SLC41A3: variants seen among roughly 807,000 people sequenced by gnomAD.
SLC41A3 encodes the protein SLC41A1-like 2.
Under a neutral mutation model 45.4 loss-of-function variants are expected in SLC41A3, and 44 were observed. The observed-to-expected ratio is 0.97, with a 90% CI of 0.76 to 1.25. The LOEUF (loss-of-function observed/expected upper bound fraction) is 1.25, where lower values mean the gene tolerates loss of function less well. Ranked by LOEUF, SLC41A3 falls within the 50% of genes most tolerant of loss-of-function variation. The pLI, the probability that SLC41A3 is intolerant of heterozygous loss-of-function variation, is 0.00. For missense variants in SLC41A3, 550 were observed against 600.6 expected (o/e 0.92, Z 0.88); for synonymous variants, 256 against 252.4 (o/e 1.01, Z -0.13).
chr3:126,088,906 G>A (rs1945440904), upstream of SLC41A3, among the ~76,000 whole-genome samples: 1 of 152,176 alleles, frequency 6.6e-6, no homozygotes. Flanking sequence ...TCACTAATGA[G>A]TATATATGAT....
chr3:126,034,776 C>T (rs1490500374), intron 3 of SLC41A3, among the ~76,000 whole-genome samples: 1 of 152,264 alleles, frequency 6.6e-6, no homozygotes, highest in East Asian at 1.9e-4. Flanking sequence ...AATCAACCAG[C>T]TCCAACCTGG....
At chr3:126,039,156 T>C (rs933038257) in intron 3 of SLC41A3, among the ~76,000 whole-genome samples, 2 of 152,222 alleles carry the variant, frequency 1.3e-5, no homozygotes, top group Admixed American at 1.3e-4. Flanking sequence ...CTCTTTTCTT[T>C]ATAAATTACC....
At chr3:126,094,139 C>A (rs1023152962) in intron 1 of SLC41A3, among the ~76,000 whole-genome samples, 12 of 152,106 alleles carry the variant, frequency 7.9e-5, no homozygotes, top group Non-Finnish European at 1.8e-4. Flanking sequence ...AATTCCAGAA[C>A]AATTATATAG....
At chr3:126,087,313 T>C (rs1188986760), upstream of SLC41A3, among the ~76,000 whole-genome samples, 1 of 152,052 alleles carries the variant, frequency 6.6e-6, no homozygotes, top group East Asian at 1.9e-4. Context: ...AACAGGGAAA[T>C]AACTTCAATA....
chr3:126,006,613 G>C lies in SLC41A3; in HGVS notation c.*403C>G. 1 of 1,562,266 alleles carries C rather than the reference G, an allele frequency of 6.4e-7. No homozygotes were observed. The stretch of plus-strand genomic sequence containing the variant: ...ACAGCTCAAGAGTTCTGAGGCTTGG[G>C]AACAGAAAAGAGCTCCTTCCTGCTC... On this transcript the variant is annotated 3_prime_UTR_variant, in exon 11 of 11. Transcript: ENST00000360370.
At chr3:126,094,377 G>C (rs866742175) in intron 1 of SLC41A3, among the ~76,000 whole-genome samples, 15 of 152,212 alleles carry the variant, frequency 9.9e-5, no homozygotes, top group South Asian at 2.1e-4. Context: ...TAAGTAAAGA[G>C]AAACTGGAGG....
At chr3:126,035,886 GC>G (rs1465280764) in intron 3 of SLC41A3, among the ~76,000 whole-genome samples, 1 of 152,152 alleles carries the variant, frequency 6.6e-6, no homozygotes, top group Non-Finnish European at 1.5e-5. Context: ...ATATTTTTCT[GC>G]CCTGGAATGG....
At chr3:126,056,492 T>G in intron 2 of SLC41A3, 10 of 1,614,198 alleles carry the variant, frequency 6.2e-6, no homozygotes, top group Non-Finnish European at 8.5e-6. Flanking sequence ...AGCTCACAGC[T>G]GAAGCCTCGC....
At chr3:126,101,123 C>T (rs539086152) in intron 1 of SLC41A3, among the ~76,000 whole-genome samples, 21 of 152,324 alleles carry the variant, frequency 1.4e-4, no homozygotes, top group African/African-American at 3.8e-4. Context: ...TGCCCACATC[C>T]GCGGGGTTGG....
intron 4 of SLC41A3, among the ~76,000 whole-genome samples, chr3:126,031,463 T>C (rs1576262245): frequency 6.6e-6 from 1 of 152,180 alleles, no homozygotes; most frequent in African/African-American, 2.4e-5. Context: ...GCAGGGCTGG[T>C]GCTGAGTGGA....
At chr3:126,094,700 C>T (rs1288982143) in intron 1 of SLC41A3, among the ~76,000 whole-genome samples, 1 of 152,204 alleles carries the variant, frequency 6.6e-6, no homozygotes, top group African/African-American at 2.4e-5. Context: ...CAACCTGCAG[C>T]CTGCTAAGCA....
At chr3:126,061,119 C>T (rs888409343) in intron 2 of SLC41A3, among the ~76,000 whole-genome samples, 9 of 152,168 alleles carry the variant, frequency 5.9e-5, no homozygotes, top group Admixed American at 2.0e-4. Context: ...CAGTTTCCAA[C>T]GCAGCATCCA....
At chr3:126,086,488 G>A (rs2108123181), upstream of SLC41A3, among the ~76,000 whole-genome samples, 1 of 113,518 alleles carries the variant, frequency 8.8e-6, no homozygotes, top group Non-Finnish European at 1.7e-5. Context: ...TGAAGTAAAA[G>A]CTATAGGATC....
rs1559811830 is a variant in SLC41A3 at position 126,016,728 on chromosome 3, CA to C, written c.890+2del. 6.2e-7 allele frequency: 1 copy of C among 1,605,988 alleles called. No homozygotes were observed. The highest frequency in any genetic ancestry group is 8.5e-7 in the Non-Finnish European group (1 of 1,177,036). On this transcript the variant is annotated splice_donor_variant, in intron 7 of 10. Transcript: ENST00000360370. LOFTEE classifies it high-confidence loss of function. ...AGGGGCCGTGGCCCTGGCTCCTGCT[CA>C]CCTGCTGATGACCATGGCCAGGATG...
intron 1 of SLC41A3, among the ~76,000 whole-genome samples, chr3:126,080,232 A>G (rs975007180): frequency 5.3e-5 from 8 of 152,208 alleles, no homozygotes; most frequent in African/African-American, 1.9e-4. Context: ...ATCAAGCTAA[A>G]AAGTTTCTGC....
At chr3:126,098,483 G>A (rs1359274698) in intron 1 of SLC41A3, among the ~76,000 whole-genome samples, 2 of 152,218 alleles carry the variant, frequency 1.3e-5, no homozygotes, top group South Asian at 2.1e-4. Context: ...ACAGTATGGC[G>A]CCTCACATGT....
chr3:126,081,703 TG>T (rs987141750), intron 1 of SLC41A3, among the ~76,000 whole-genome samples: 16 of 151,926 alleles, frequency 1.1e-4, no homozygotes, highest in Admixed American at 7.9e-4. Context: ...GGGCAAGGGG[TG>T]GGGAGAAGGG....
chr3:126,022,885 T>G lies in SLC41A3; in HGVS notation c.646A>C (p.Asn216His). The G allele has an allele frequency of 6.2e-7, 1 of 1,614,186 alleles. No homozygotes were observed. The highest frequency in any genetic ancestry group is 8.5e-7 in the Non-Finnish European group (1 of 1,180,040). The change falls in exon 6 of 11, where the codon AAC becomes CAC. Residue 216 changes from asparagine (N) to histidine (H), a missense_variant. Asn to His is a moderately conservative substitution (Grantham distance 68). Coordinates refer to ENST00000360370, the MANE Select transcript of SLC41A3 (RefSeq NM_017836.4). ...ATGGGCGTGGCAATGTTGTCTGGGT[T>G]GACCCCGAGCTTTCGAGCACCAATC... ...IVIGARKLGV[N>H]PDNIATPIAA...
At chr3:126,009,202 T>C (rs1461409685) in intron 9 of SLC41A3, among the ~76,000 whole-genome samples, 2 of 152,168 alleles carry the variant, frequency 1.3e-5, no homozygotes, top group Non-Finnish European at 2.9e-5. Context: ...TGTTTATCAG[T>C]GGGGATGAGC....
Sources: allele counts gnomAD v4.1 joint callset (sites outside exome capture counted in the v4.1 genomes callset), GRCh38; gene constraint gnomAD v4.1.1; transcripts MANE v1.5; gene names NCBI Gene and HGNC (gene_info 2026-07-23, HGNC 2026-07-21).